Variants in ARFIP1 observed in about 807,000 individuals in gnomAD.
ARFIP1 encodes ARF interacting protein 1, also known as arfaptin-1.
Under a neutral mutation model 42.5 loss-of-function variants are expected in ARFIP1, and 24 were observed. The observed-to-expected ratio is 0.57, with a 90% confidence interval of 0.41 to 0.80. ARFIP1 has a LOEUF of 0.80. Among genes scored for constraint, ARFIP1 ranks in the 30% least tolerant of loss-of-function variants. The pLI, the probability that ARFIP1 is intolerant of heterozygous loss-of-function variation, is 0.00. For synonymous variants in ARFIP1, 141 were observed against 153.7 expected, an observed-to-expected ratio of 0.92 and a Z score of 0.61; for missense variants, 354 against 434.0, an observed-to-expected ratio of 0.82 and a Z score of 1.64.
intron 2 of ARFIP1, among the ~76,000 whole-genome samples, chr4:152,840,648 G>A (rs559175095): frequency 6.6e-6 from 1 of 151,606 alleles, no homozygotes; most frequent in South Asian, 2.1e-4. Flanking sequence ...TTATGTGTTA[G>A]GTGAGTCTCC....
intron 2 of ARFIP1, among the ~76,000 whole-genome samples, chr4:152,833,332 A>T (rs1731397278): frequency 6.6e-6 from 1 of 152,170 alleles, no homozygotes; most frequent in Non-Finnish European, 1.5e-5. Flanking sequence ...TCAAAACCTC[A>T]GTGAGATATC....
At chr4:152,902,547 G>A (rs1449227949) in intron 8 of ARFIP1, among the ~76,000 whole-genome samples, 1 of 152,042 alleles carries the variant, frequency 6.6e-6, no homozygotes, top group Non-Finnish European at 1.5e-5. Flanking sequence ...TAGATATAAG[G>A]GTAATGCATT....
intron 2 of ARFIP1, among the ~76,000 whole-genome samples, chr4:152,843,915 C>T (rs1732322830): frequency 6.6e-6 from 1 of 152,166 alleles, no homozygotes; most frequent in Admixed American, 6.5e-5. Flanking sequence ...TTGTGCCCTC[C>T]CCTGACTTGT....
rs1731518562 is a variant in ARFIP1, at chr4:152,834,756, C to T, written c.93+5030C>T. 2.6e-5 allele frequency among the ~76,000 whole-genome samples: 4 copies of T among 152,172 alleles called. No homozygotes were observed. In the South Asian group the frequency reaches 8.3e-4, roughly 32 times the overall value. ...AAGCTGTTGGTGGTTCTACCATTCT[C>T]GGGTCTGGAGGGTGGTGGCTCCCTT... On this transcript the variant is annotated intron_variant, in intron 2 of 8. Coordinates refer to ENST00000353617, the MANE Select transcript of ARFIP1 (RefSeq NM_001025595.3).
At chr4:152,862,069 T>A (rs1733937963) in intron 2 of ARFIP1, among the ~76,000 whole-genome samples, 1 of 152,218 alleles carries the variant, frequency 6.6e-6, no homozygotes, top group Non-Finnish European at 1.5e-5. Context: ...CAAAATTTTC[T>A]AATTCATTTA....
chr4:152,817,183 T>C (rs1299757289), intron 1 of ARFIP1, among the ~76,000 whole-genome samples: 1 of 152,208 alleles, frequency 6.6e-6, no homozygotes, highest in African/African-American at 2.4e-5. Flanking sequence ...AGTGATTATT[T>C]AGAGAGCTGG....
chr4:152,904,085 G>A (rs1235307347), intron 8 of ARFIP1, among the ~76,000 whole-genome samples: 2 of 150,658 alleles, frequency 1.3e-5, no homozygotes, highest in Non-Finnish European at 3.0e-5. Context: ...ATGGGTACAC[G>A]TGCAGGATGT....
intron 2 of ARFIP1, among the ~76,000 whole-genome samples, chr4:152,831,910 C>T (rs1731273866): frequency 6.6e-6 from 1 of 152,058 alleles, no homozygotes; most frequent in Non-Finnish European, 1.5e-5. Context: ...AGGTATTTGT[C>T]CTAATGCTCT....
chr4:152,827,088 T>C (rs1730895962), intron 1 of ARFIP1, among the ~76,000 whole-genome samples: 1 of 152,138 alleles, frequency 6.6e-6, no homozygotes, highest in Admixed American at 6.5e-5. Flanking sequence ...GTTTTGGAGA[T>C]TGATTGCATA....
intron 2 of ARFIP1, among the ~76,000 whole-genome samples, chr4:152,849,126 A>G (rs1030369475): frequency 1.6e-4 from 25 of 152,198 alleles, no homozygotes; most frequent in Non-Finnish European, 8.8e-5. Flanking sequence ...AATTTTAAGT[A>G]TATTTTTAAT....
At chr4:152,823,403 T>TA (rs1471543634) in intron 1 of ARFIP1, among the ~76,000 whole-genome samples, 3 of 151,718 alleles carry the variant, frequency 2.0e-5, no homozygotes, top group Non-Finnish European at 2.9e-5. Context: ...TTCAGTAATT[T>TA]AAAAAAAATA....
intron 1 of ARFIP1, among the ~76,000 whole-genome samples, chr4:152,822,059 T>G (rs1182308978): frequency 6.6e-6 from 1 of 151,716 alleles, no homozygotes; most frequent in Admixed American, 6.6e-5. Context: ...AATAATACAG[T>G]GAAGAAAACA....
intron 2 of ARFIP1, among the ~76,000 whole-genome samples, chr4:152,850,339 C>T (rs527699710): frequency 6.6e-5 from 10 of 152,198 alleles, no homozygotes; most frequent in African/African-American, 2.2e-4. Context: ...TGCCCACCAA[C>T]ATGCAAAAGG....
chr4:152,910,143 AACAG>A lies in ARFIP1; in HGVS notation c.1050_1053del (p.Gln350HisfsTer9). 1 of 1,614,220 alleles carries A rather than the reference AACAG, an allele frequency of 6.2e-7. No homozygotes were observed. Among genetic ancestry groups the A allele is most frequent in the Non-Finnish European group, 8.5e-7 (1 of 1,180,030 alleles). ...TTTGCTGGGAATCAGAAGCAGCTTG[AACAG>A]ACACTTAAACAGTTCCATATCAAAT... On this transcript the variant is annotated frameshift_variant, in exon 9 of 9. Transcript: ENST00000353617. LOFTEE classifies it high-confidence loss of function.
chr4:152,904,317 G>A (rs921623390), intron 8 of ARFIP1, among the ~76,000 whole-genome samples: 2 of 151,230 alleles, frequency 1.3e-5, no homozygotes, highest in African/African-American at 4.9e-5. Context: ...TCAGCCTCCC[G>A]AGTTGCTGGG....
chr4:152,889,860 A>ATATACTATATATATACTATATATACTATG (rs1736682217), intron 8 of ARFIP1, among the ~76,000 whole-genome samples: 1 of 127,668 alleles, frequency 7.8e-6, no homozygotes, highest in African/African-American at 3.0e-5. Flanking sequence ...TATATACTAT[A>ATATACTATATATATACTATATATACTATG]TATACTATAT....
At chr4:152,903,128 G>A (rs1482917487) in intron 8 of ARFIP1, among the ~76,000 whole-genome samples, 1 of 152,074 alleles carries the variant, frequency 6.6e-6, no homozygotes, top group Non-Finnish European at 1.5e-5. Flanking sequence ...CAGGCAGAAT[G>A]GCATTGAGGA....
chr4:152,874,394 T>G (rs764333744), intron 5 of ARFIP1, among the ~76,000 whole-genome samples: 6 of 152,196 alleles, frequency 3.9e-5, no homozygotes, highest in Non-Finnish European at 7.3e-5. Flanking sequence ...TATTTTAATC[T>G]AGGTCAAAAA....
At chr4:152,900,300 G>T (rs556875204) in intron 8 of ARFIP1, among the ~76,000 whole-genome samples, 3 of 152,262 alleles carry the variant, frequency 2.0e-5, no homozygotes, top group Admixed American at 6.5e-5. Flanking sequence ...ATTCGATAAA[G>T]AATTATAAGA....
Sources: gnomAD v4.1 joint callset for allele counts (sites outside exome capture counted in the v4.1 genomes callset) on GRCh38, gnomAD v4.1.1 for gene constraint, MANE v1.5 for transcripts, NCBI Gene and HGNC (gene_info 2026-07-23, HGNC 2026-07-21) for gene names.